CERS6: variants seen among roughly 807,000 people sequenced by gnomAD.
CERS6 encodes ceramide synthase 6, also known as LAG1 homolog, ceramide synthase 6.
CERS6 carries 26 observed loss-of-function variants against 56.8 expected under a neutral mutation model. The ratio of observed to expected loss-of-function variants is 0.46; its 90% confidence interval spans 0.34 to 0.63. The LOEUF (loss-of-function observed/expected upper bound fraction) is 0.63. CERS6 is among the 30% of genes least tolerant of loss of function. CERS6 has a pLI of 0.01. For missense variants in CERS6, 415 were observed against 467.5 expected (o/e 0.89, Z 1.04); for synonymous variants, 164 against 173.3 (o/e 0.95, Z 0.42).
At chr2:168,727,384 A>T (rs928349778) in intron 8 of CERS6, among the ~76,000 whole-genome samples, 1 of 152,136 alleles carries the variant, frequency 6.6e-6, no homozygotes, top group Non-Finnish European at 1.5e-5. Flanking sequence ...CCCCATCTCT[A>T]CTAAAAATAC....
At chr2:168,493,840 A>G (rs1694416218) in intron 1 of CERS6, among the ~76,000 whole-genome samples, 1 of 148,760 alleles carries the variant, frequency 6.7e-6, no homozygotes, top group Admixed American at 6.8e-5. Context: ...TATTAATATA[A>G]TATACATTAA....
Position 168,731,560 on chromosome 2 carries a change from A to G in CERS6, c.845+13582A>G, listed in dbSNP as rs535602092. ...GAAGGGAAAACATCATCATACAGCA[A>G]TGAATACTTCAAGGTGATGTTCAAG... On this transcript the variant is annotated intron_variant, in intron 8 of 9. Transcript: ENST00000305747. 1.4e-4 allele frequency among the ~76,000 whole-genome samples: 21 copies of G among 152,214 alleles called. 1 individual carries two copies. Among genetic ancestry groups the G allele is most frequent in the African/African-American group, 4.8e-4 (20 of 41,558 alleles).
At chr2:168,487,122 A>G (rs1694289906) in intron 1 of CERS6, among the ~76,000 whole-genome samples, 1 of 152,214 alleles carries the variant, frequency 6.6e-6, no homozygotes, top group Non-Finnish European at 1.5e-5. Flanking sequence ...TTTAAATCAC[A>G]TCACAAAATG....
At chr2:168,548,070 T>C (rs938091500) in intron 2 of CERS6, among the ~76,000 whole-genome samples, 1 of 152,022 alleles carries the variant, frequency 6.6e-6, no homozygotes, top group Non-Finnish European at 1.5e-5. Flanking sequence ...GATTTATGTG[T>C]GTGCGAAAAA....
chr2:168,574,853 A>G (rs867844370), intron 3 of CERS6, among the ~76,000 whole-genome samples: 2 of 152,218 alleles, frequency 1.3e-5, no homozygotes, highest in Non-Finnish European at 2.9e-5. Context: ...AGGTATAATT[A>G]TTTGGCAGAT....
At chr2:168,520,522 G>C (rs1241624366) in intron 1 of CERS6, among the ~76,000 whole-genome samples, 6 of 148,338 alleles carry the variant, frequency 4.0e-5, no homozygotes, top group Non-Finnish European at 7.4e-5. Flanking sequence ...TGTCTTAGAA[G>C]ACTTTTTCCT....
intron 8 of CERS6, among the ~76,000 whole-genome samples, chr2:168,726,353 A>G (rs773571015): frequency 6.6e-6 from 1 of 152,246 alleles, no homozygotes; most frequent in Non-Finnish European, 1.5e-5. Context: ...ATTTAAGGCC[A>G]TAAAGCATTT....
intron 8 of CERS6, among the ~76,000 whole-genome samples, chr2:168,733,835 C>T (rs894266203): frequency 2.0e-5 from 3 of 152,102 alleles, no homozygotes; most frequent in Non-Finnish European, 2.9e-5. Flanking sequence ...ACTTCCCATG[C>T]GTAACGTGGC....
intron 1 of CERS6, among the ~76,000 whole-genome samples, chr2:168,467,541 T>C (rs1693902454): frequency 6.6e-6 from 1 of 152,224 alleles, no homozygotes; most frequent in African/African-American, 2.4e-5. Flanking sequence ...TATTTATTTC[T>C]AGCTAGAATT....
chr2:168,749,208 C>G (rs1371904030), intron 8 of CERS6, among the ~76,000 whole-genome samples: 4 of 152,200 alleles, frequency 2.6e-5, no homozygotes, highest in Admixed American at 2.0e-4. Flanking sequence ...AACTTGCCAA[C>G]AAACCCACAT....
Position 168,724,991 on chromosome 2 carries a change from G to A in CERS6, c.845+7013G>A, listed in dbSNP as rs554819021. Among the ~76,000 whole-genome samples, 91 of 152,362 alleles carry A rather than the reference G, an allele frequency of 6.0e-4. 1 individual carries two copies. The highest frequency in any genetic ancestry group is 3.4e-3 in the Middle Eastern group (1 of 294). ...GGCTCCGTCCCCACAGGAGCCCACG[G>A]AGGGGGTGGGAGGTTCAGGCATGGC... On this transcript the variant is annotated intron_variant, in intron 8 of 9. Coordinates refer to ENST00000305747, the MANE Select transcript of CERS6 (RefSeq NM_203463.3).
chr2:168,567,799 G>A (rs901242319), intron 3 of CERS6, among the ~76,000 whole-genome samples: 1 of 152,212 alleles, frequency 6.6e-6, no homozygotes, highest in Non-Finnish European at 1.5e-5. Flanking sequence ...CCTGTCTCCA[G>A]TATTCCTGGG....
intron 3 of CERS6, among the ~76,000 whole-genome samples, chr2:168,618,306 C>G (rs1055344299): frequency 6.6e-6 from 1 of 152,164 alleles, no homozygotes. Context: ...AAAGCATTCC[C>G]TCTGAAAACA....
intron 6 of CERS6, among the ~76,000 whole-genome samples, chr2:168,696,654 A>G (rs997622325): frequency 9.2e-5 from 14 of 152,182 alleles, no homozygotes; most frequent in African/African-American, 3.4e-4. Flanking sequence ...GCAACAGCCC[A>G]CTTTCTCATA....
At chr2:168,498,920 C>T (rs545687837) in intron 1 of CERS6, among the ~76,000 whole-genome samples, 37 of 152,228 alleles carry the variant, frequency 2.4e-4, no homozygotes, top group African/African-American at 7.5e-4. Flanking sequence ...ACTTCCCCCC[C>T]ACATCTCGTT....
rs1491580943 is a variant in CERS6 at position 168,486,518 on chromosome 2, G to GTTTTTTTTTTTTTTT, written c.170+29900_170+29901insTTTTTTTTTTTTTTT. 6.6e-4 allele frequency among the ~76,000 whole-genome samples: 90 copies of GTTTTTTTTTTTTTTT among 136,252 alleles called. 1 individual carries two copies. Among genetic ancestry groups the GTTTTTTTTTTTTTTT allele is most frequent in the East Asian group, 2.2e-3 (10 of 4,510 alleles). The allele number at this position is 136,252 out of a possible 152,430, so 89.4% of individuals were successfully genotyped here. The stretch of plus-strand genomic sequence containing the variant: ...ATTTTTGTTAAAGGTGTCTAGATTT[G>GTTTTTTTTTTTTTTT]GTTTTGTTTTTTTTTTTTTTGCCTA... On this transcript the variant is annotated intron_variant, in intron 1 of 9. Coordinates refer to ENST00000305747, the MANE Select transcript of CERS6 (RefSeq NM_203463.3).
At chr2:168,533,628 C>G (rs997522506) in intron 1 of CERS6, among the ~76,000 whole-genome samples, 1 of 152,128 alleles carries the variant, frequency 6.6e-6, no homozygotes, top group Non-Finnish European at 1.5e-5. Flanking sequence ...TGGCCTTTCT[C>G]CCTGGCTGCC....
intron 4 of CERS6, among the ~76,000 whole-genome samples, chr2:168,648,870 G>A (rs931376965): frequency 6.6e-6 from 1 of 152,016 alleles, no homozygotes; most frequent in African/African-American, 2.4e-5. Flanking sequence ...GTATGATTTT[G>A]GTTCTTTTGC....
chr2:168,737,128 G>T (rs6717260), intron 8 of CERS6, among the ~76,000 whole-genome samples: 15,673 of 152,206 alleles, frequency 0.1, 1,160 homozygotes, highest in African/African-American at 0.21. Context: ...CCTCTTAAGA[G>T]GCACAAGCAA....
Sources: allele counts gnomAD v4.1 joint callset (sites outside exome capture counted in the v4.1 genomes callset), GRCh38; gene constraint gnomAD v4.1.1; transcripts MANE v1.5; gene names NCBI Gene and HGNC (gene_info 2026-07-23, HGNC 2026-07-21).